Variants in SPEG observed in about 807,000 individuals in gnomAD.
SPEG encodes striated muscle preferentially expressed protein kinase.
In SPEG, 114 loss-of-function variants were observed where a neutral mutation model predicts 300.4. The observed-to-expected ratio is 0.38, with a 90% CI of 0.33 to 0.44. The LOEUF (loss-of-function observed/expected upper bound fraction) is 0.44. Among genes scored for constraint, SPEG ranks in the 20% least tolerant of loss-of-function variants. The pLI is 1.00. For missense variants in SPEG, 4,201 were observed against 4,586.2 expected (o/e 0.92, Z 2.43); for synonymous variants, 1,964 against 2,018.9 (o/e 0.97, Z 0.73).
chr2:219,459,618 T>C lies in SPEG; in HGVS notation c.2441-2264T>C, dbSNP rs780641972. Among the ~76,000 whole-genome samples the C allele has an allele frequency of 6.6e-6, 1 of 152,158 alleles. No individual in the cohort carries two copies. Among genetic ancestry groups the C allele is most frequent in the Non-Finnish European group, 1.5e-5 (1 of 68,012 alleles). On this transcript the variant is annotated intron_variant, in intron 6 of 40. Transcript: ENST00000312358. The surrounding 1 kb of genome is among the most constrained non-coding windows in gnomAD (Gnocchi z 4.9). ...TGAGGCTCCCTGCAAACCTTGACCA[T>C]CTGGCCTTCAGCTCTGCTTCCGTTC...
chr2:219,448,330 C>T lies in SPEG; in HGVS notation c.1172C>T (p.Pro391Leu), dbSNP rs1417943605. The change falls in exon 4 of 41, where the codon CCT becomes CTT. Residue 391 changes from proline (P) to leucine (L), a missense_variant. Transcript: ENST00000312358. Reference protein sequence around the residue: ...SGRLSALGRSPRLVRAGSRIL... With the variant: ...SGRLSALGRSLRLVRAGSRIL... ...CGCCTGTCGGCGTTGGGCCGATCGC[C>T]TAGGCTGGTGCGCGCCGGCTCCCGC... The T allele has an allele frequency of 1.2e-6, 2 of 1,601,740 alleles. No individual in the cohort carries two copies. Among genetic ancestry groups the T allele is most frequent in the Admixed American group, 1.7e-5 (1 of 58,282 alleles).
rs1692808286 is a variant in SPEG at position 219,481,218 on chromosome 2, C to T, written c.5370-86C>T. ...TCTGTCATCCTCACAACCCCAGAGC[C>T]TCCATCTGTCCCCAGCCCTGTGCCC... On this transcript the variant is annotated intron_variant, in intron 26 of 40. Transcript: ENST00000312358. This position sits in a 1 kb window ranked among gnomAD's most constrained non-coding sequence, Gnocchi z 5.4. The T allele has an allele frequency of 1.4e-5, 20 of 1,422,160 alleles. No homozygotes were observed. The highest frequency in any genetic ancestry group is 1.5e-5 in the Non-Finnish European group (15 of 1,026,806). 88.1% of individuals were successfully genotyped at this position (1,422,160 alleles called of 1,614,324 possible). A position where few individuals can be genotyped will look rare whatever the true frequency, so the allele number is the denominator to read the frequency against.
rs201948477 is a variant in SPEG at position 219,443,115 on chromosome 2, G to A, written c.389-1538G>A. On this transcript the variant is annotated intron_variant, in intron 1 of 40. Coordinates refer to ENST00000312358, the MANE Select transcript of SPEG (RefSeq NM_005876.5). This position sits in a 1 kb window ranked among gnomAD's most constrained non-coding sequence, Gnocchi z 4.6. ...CTGGCTTTTCTCTTTCAGAAAACCG[G>A]CCATTCCCGCCGGGCCTTTGGCCGA... The A allele has an allele frequency of 5.4e-5, 87 of 1,612,476 alleles. No homozygotes were observed. In the African/African-American group the frequency reaches 1.1e-3, roughly 21 times the overall value.
In SPEG at chr2:219,447,980, C is replaced by G. The variant is rs1270768802; in HGVS notation, c.822C>G (p.Val274=). 1.6e-5 allele frequency: 26 copies of G among 1,612,362 alleles called. No homozygotes were observed. Among genetic ancestry groups the G allele is most frequent in the Non-Finnish European group, 2.2e-5 (26 of 1,179,842 alleles). The change falls in exon 4 of 41, where the codon GTC becomes GTG. Residue 274 remains valine (V), a synonymous_variant. Coordinates refer to ENST00000312358, the MANE Select transcript of SPEG (RefSeq NM_005876.5). ...RGRALSIHVS[V]PQSGLRREEP... Reference sequence around the variant, plus strand: ...CTCCATCTTGGTTCTGCAGCAGCGTCCCTCAGAGCGGGTTGCGCAGGGAGG... The same window carrying G: ...CTCCATCTTGGTTCTGCAGCAGCGTGCCTCAGAGCGGGTTGCGCAGGGAGG...
At chr2:219,446,913 C>T (rs1182253628) in intron 3 of SPEG, among the ~76,000 whole-genome samples, 1 of 151,462 alleles carries the variant, frequency 6.6e-6, no homozygotes, top group African/African-American at 2.4e-5. Flanking sequence ...ATTCAATGAG[C>T]CATTTTACAG....
chr2:219,438,922 T>C (rs895585469), intron 1 of SPEG, among the ~76,000 whole-genome samples: 2 of 152,222 alleles, frequency 1.3e-5, no homozygotes, highest in African/African-American at 4.8e-5. Flanking sequence ...TATTCTGCAG[T>C]TATTCTTTTT....
At chr2:219,482,700 C>A in intron 28 of SPEG, 84 bp from the exon 29 acceptor site, 2 of 1,233,128 alleles carry the variant, frequency 1.6e-6, no homozygotes, top group Non-Finnish European at 1.2e-6. Context: ...GCCACCCCGC[C>A]CCATGGACTT....
chr2:219,464,447 A>C lies in SPEG; in HGVS notation c.2720A>C (p.Gln907Pro). ...KPVVSWLRNR[Q>P]PVRPDQRRFA... is the part of the protein sequence containing the mutation. The stretch of plus-strand genomic sequence containing the variant: ...CCCTCTGACAGGCTGAGAAACCGCC[A>C]GCCCGTGCGCCCAGACCAGCGGCGC... Residue 907 changes from glutamine (Q) to proline (P), a missense_variant, in exon 9 of 41, where the codon CAG (glutamine) becomes CCG (proline). This residue lies in a region of SPEG where 1,047 missense variants were observed against 1,356.8 expected (regional missense o/e 0.77). Transcript: ENST00000312358. The surrounding 1 kb of genome is among the most constrained non-coding windows in gnomAD (Gnocchi z 4.5). 1 of 1,611,218 alleles carries C rather than the reference A, an allele frequency of 6.2e-7. No homozygotes were observed.
Position 219,468,922 on chromosome 2 carries a change from A to G in SPEG, c.3365A>G (p.His1122Arg). The G allele has an allele frequency of 6.2e-7, 1 of 1,613,914 alleles. No individual in the cohort carries two copies. Among genetic ancestry groups the G allele is most frequent in the Non-Finnish European group, 8.5e-7 (1 of 1,179,986 alleles). Residue 1122 changes from histidine (H) to arginine (R), a missense_variant, in exon 12 of 41, where the codon CAC (histidine) becomes CGC (arginine). Physicochemically the swap from His to Arg is conservative, Grantham distance 29. Transcript: ENST00000312358. ...CAGGACGGGGGTCTGCACTCACTGC[A>G]CATTGCCCATGTGGGCAGCGAGGAC... Reference protein sequence around the residue: ...LRQDGGLHSLHIAHVGSEDEG... With the variant: ...LRQDGGLHSLRIAHVGSEDEG...
At chr2:219,492,535 A>G in intron 40 of SPEG, 59 bp from the exon 41 acceptor site, 3 of 1,558,166 alleles carry the variant, frequency 1.9e-6, no homozygotes, top group Non-Finnish European at 2.6e-6. Flanking sequence ...GGGAGGACAG[A>G]GCCCCGGCAG....
chr2:219,461,818 C>A, intron 6 of SPEG, 64 bp from the exon 7 acceptor site: 1 of 1,535,040 alleles, frequency 6.5e-7, no homozygotes, highest in African/African-American at 1.4e-5. Flanking sequence ...GGCGACATTC[C>A]AGCCAGCTCT....
intron 3 of SPEG, among the ~76,000 whole-genome samples, chr2:219,446,103 G>A (rs1285073592): frequency 6.6e-6 from 1 of 152,000 alleles, no homozygotes; most frequent in Non-Finnish European, 1.5e-5. Context: ...GGCCTGGTGG[G>A]GGAGGCTGCT....
intron 22 of SPEG, 66 bp downstream of exon 22, chr2:219,478,171 A>G (rs1692523252): frequency 1.3e-5 from 18 of 1,358,390 alleles, no homozygotes; most frequent in East Asian, 4.6e-5. Flanking sequence ...GTAACATCCA[A>G]TAGGCAACAT....
chr2:219,472,970 G>A lies in SPEG; in HGVS notation c.4021G>A (p.Glu1341Lys), dbSNP rs1406852182. The change falls in exon 16 of 41, where the codon GAG becomes AAG. Residue 1341 changes from glutamate (E) to lysine (K), a missense_variant. Transcript: ENST00000312358. ...GACGGCACTGGTCACAGGCCTGCGG[G>A]AGCCAGGGTGGGCAGCCACAGGGCT... ...QWTALVTGLR[E>K]PGWAATGLRK... 1 of 1,613,832 alleles carries A rather than the reference G, an allele frequency of 6.2e-7. No individual in the cohort carries two copies. Among genetic ancestry groups the A allele is most frequent in the Non-Finnish European group, 8.5e-7 (1 of 1,180,016 alleles).
At chr2:219,476,804 TGAG>T in intron 18 of SPEG, 63 bp from the exon 19 acceptor site, 5 of 1,285,050 alleles carry the variant, frequency 3.9e-6, no homozygotes, top group Non-Finnish European at 5.6e-6. Context: ...TGGGAGGGGC[TGAG>T]GAGGCAGGGT....
rs1281625958 is a variant in SPEG, at chr2:219,451,051, G to C, written c.2114-85G>C. 4 of 1,399,620 alleles carry C rather than the reference G, an allele frequency of 2.9e-6. No individual in the cohort carries two copies. In the African/African-American group the frequency reaches 5.9e-5, roughly 21 times the overall value. 86.7% of individuals were successfully genotyped at this position (1,399,620 alleles called of 1,614,324 possible). Reference sequence around the variant, plus strand: ...CCCTCTGTCTGGGTTTGGCTTTCTAGGATGCAGGCCACCAGGACTCTCTCT... The same window carrying C: ...CCCTCTGTCTGGGTTTGGCTTTCTACGATGCAGGCCACCAGGACTCTCTCT... On this transcript the variant is annotated intron_variant, in intron 4 of 40. Transcript: ENST00000312358. This position sits in a 1 kb window ranked among gnomAD's most constrained non-coding sequence, Gnocchi z 6.4.
chr2:219,451,920 C>A lies in SPEG; in HGVS notation c.2440+113C>A. On this transcript the variant is annotated intron_variant, in intron 6 of 40. Transcript: ENST00000312358. This position sits in a 1 kb window ranked among gnomAD's most constrained non-coding sequence, Gnocchi z 6.4. Reference sequence around the variant, plus strand: ...TCAGCCTTGAGCTTGGGCACCCCGCCAGCATACTTAGTCCATGCAGTCCCT... The same window carrying A: ...TCAGCCTTGAGCTTGGGCACCCCGCAAGCATACTTAGTCCATGCAGTCCCT... 8.9e-7 allele frequency: 1 copy of A among 1,129,156 alleles called. No homozygotes were observed. Among genetic ancestry groups the A allele is most frequent in the Non-Finnish European group, 1.2e-6 (1 of 823,240 alleles). The allele number at this position is 1,129,156 out of a possible 1,614,324, so 69.9% of individuals were successfully genotyped here. A position where few individuals can be genotyped will look rare whatever the true frequency, so the allele number is the denominator to read the frequency against.
Position 219,463,189 on chromosome 2 carries a change from A to G in SPEG, c.2705+803A>G, listed in dbSNP as rs537823668. Among the ~76,000 whole-genome samples, 19 of 152,008 alleles carry G rather than the reference A, an allele frequency of 1.2e-4. No individual in the cohort carries two copies. In the South Asian group the frequency reaches 4.0e-3, roughly 32 times the overall value. On this transcript the variant is annotated intron_variant, in intron 8 of 40. Coordinates refer to ENST00000312358, the MANE Select transcript of SPEG (RefSeq NM_005876.5). ...ATACCACTGCACTCCAGCCTGGACA[A>G]TATAGCAAGACCCTATTGCTGAAAA...
chr2:219,469,916 C>T (rs530478224), intron 13 of SPEG, among the ~76,000 whole-genome samples: 1 of 152,176 alleles, frequency 6.6e-6, no homozygotes, highest in African/African-American at 2.4e-5. Context: ...TAGCAAATAA[C>T]GAAGAAGGGG....
Sources: allele counts gnomAD v4.1 joint callset (sites outside exome capture counted in the v4.1 genomes callset), GRCh38; gene constraint gnomAD v4.1.1; regional missense constraint gnomAD v4.1.1; non-coding constraint Gnocchi (gnomAD v3.1); transcripts MANE v1.5; gene names NCBI Gene and HGNC (gene_info 2026-07-23, HGNC 2026-07-21).